The following TMEM208 variants were observed in gnomAD, a reference collection of about 807,000 sequenced individuals.
The protein encoded by TMEM208 is transmembrane protein 208, also known as SRP-independent targeting 2 homolog.
Under a neutral mutation model 26.4 loss-of-function variants are expected in TMEM208, and 19 were observed. The observed-to-expected ratio is 0.72, with a 90% CI of 0.50 to 1.06. TMEM208 has a LOEUF of 1.06. Among genes scored for constraint, TMEM208 ranks in the 50% least tolerant of loss-of-function variants. TMEM208 has a pLI of 0.00. For missense variants in TMEM208, 183 were observed against 219.8 expected, an observed-to-expected ratio of 0.83 and a Z score of 1.06; for synonymous variants, 93 against 83.1, an observed-to-expected ratio of 1.12 and a Z score of -0.65.
rs777138016 is a variant in TMEM208 at position 67,227,205 on chromosome 16, AT to A, written c.-11del. 1.5e-5 allele frequency: 24 copies of A among 1,611,876 alleles called. No individual in the cohort carries two copies. The South Asian group carries it at 2.5e-4, about 17-fold the overall frequency. On this transcript the variant is annotated 5_prime_UTR_variant, in exon 1 of 6. Coordinates refer to ENST00000304800, the MANE Select transcript of TMEM208 (RefSeq NM_014187.4). ...CTCTCCCGTGTTTCCCGGGCTGGGT[AT>A]TTGCCTCGCACCATGGCGGTAAGGA...
Position 67,228,592 on chromosome 16 carries a change from A to T in TMEM208, c.260A>T (p.Asp87Val). 6.2e-7 allele frequency: 1 copy of T among 1,600,302 alleles called. No homozygotes were observed. Among genetic ancestry groups the T allele is most frequent in the Non-Finnish European group, 8.5e-7 (1 of 1,171,908 alleles). ...AAFSEDGALM[D>V]GGMDLNMEQG... is the part of the protein sequence containing the mutation. ...TTCTCTGAGGATGGGGCCCTGATGG[A>T]TGGTGGCATGGACCTCAACATGGAG... Residue 87 changes from aspartate (D) to valine (V), a missense_variant, in exon 4 of 6, where the codon GAT (aspartate) becomes GTT (valine). Coordinates refer to ENST00000304800, the MANE Select transcript of TMEM208 (RefSeq NM_014187.4).
chr16:67,228,314 G>A lies in TMEM208; in HGVS notation c.103-41G>A, dbSNP rs773891245. On this transcript the variant is annotated intron_variant, in intron 2 of 5. Coordinates refer to ENST00000304800, the MANE Select transcript of TMEM208 (RefSeq NM_014187.4). ...AGTTGAGGGAGACCCATGGTTTGGA[G>A]GTAACTTCTGACCCCAACCTGATCC... 8.1e-6 allele frequency: 13 copies of A among 1,609,168 alleles called. No individual in the cohort carries two copies. In the East Asian group the frequency reaches 1.3e-4, roughly 17 times the overall value.
At chr16:67,228,446 T>G in intron 3 of TMEM208, 32 bp downstream of exon 3, 2 of 1,613,912 alleles carry the variant, frequency 1.2e-6, no homozygotes, top group Non-Finnish European at 8.5e-7. Context: ...GGTGGATGAG[T>G]GCGTAGGGTC....
Position 67,228,533 on chromosome 16 carries a change from C to G in TMEM208, c.201C>G (p.Ser67Arg), listed in dbSNP as rs2142252418. The change falls in exon 4 of 6, where the codon AGC (serine) becomes AGG (arginine). Residue 67 changes from serine to arginine, a missense_variant. Ser to Arg is a moderately radical substitution (Grantham distance 110). Coordinates refer to ENST00000304800, the MANE Select transcript of TMEM208 (RefSeq NM_014187.4). ...TTAGTCTGGCAGTGTATGGGGCCAG[C>G]TACCACTCTATGAGCTCGATGGCAC... The part of the protein sequence containing the change: ...LGFSLAVYGA[S>R]YHSMSSMARA... 1 of 1,612,666 alleles carries G rather than the reference C, an allele frequency of 6.2e-7. No individual in the cohort carries two copies. Among genetic ancestry groups the G allele is most frequent in the South Asian group, 1.1e-5 (1 of 91,046 alleles).
Position 67,229,134 on chromosome 16 carries a change from G to A in TMEM208, c.*21G>A. The A allele has an allele frequency of 1.3e-6, 2 of 1,572,390 alleles. No individual in the cohort carries two copies. Among genetic ancestry groups the A allele is most frequent in the Non-Finnish European group, 1.7e-6 (2 of 1,159,108 alleles). On this transcript the variant is annotated 3_prime_UTR_variant, in exon 6 of 6. Coordinates refer to ENST00000304800, the MANE Select transcript of TMEM208 (RefSeq NM_014187.4). Reference sequence around the variant, plus strand: ...TATAGCCATTGACATTGTGGCCACAGGCCACTGGCCCTGGGTGGCTCTGTC... The same window carrying A: ...TATAGCCATTGACATTGTGGCCACAAGCCACTGGCCCTGGGTGGCTCTGTC...
Position 67,229,069 on chromosome 16 carries a change from A to G in TMEM208, c.478A>G (p.Lys160Glu). 1.2e-6 allele frequency: 2 copies of G among 1,613,118 alleles called. No individual in the cohort carries two copies. Among genetic ancestry groups the G allele is most frequent in the Non-Finnish European group, 1.7e-6 (2 of 1,179,388 alleles). Residue 160 changes from lysine to glutamate, a missense_variant, in exon 6 of 6, where the codon AAA (lysine) becomes GAA (glutamate). Transcript: ENST00000304800. Reference sequence around the variant, plus strand: ...CACCCCAGCACCAGAGCACAATGAGAAACGGCAGCGCCGACAGGAGCGGCG... The same window carrying G: ...CACCCCAGCACCAGAGCACAATGAGGAACGGCAGCGCCGACAGGAGCGGCG... ...SGTPAPEHNEKRQRRQERRQM... is the reference protein window; with the variant it reads ...SGTPAPEHNEERQRRQERRQM...
chr16:67,229,200 G>A lies in TMEM208; in HGVS notation c.*87G>A. On this transcript the variant is annotated 3_prime_UTR_variant, in exon 6 of 6. Transcript: ENST00000304800. ...TCATGCCTGGAGCAATGAGGGTCTAGTCCAGGGGCCAAAAGCAGTCTGAGG... is the reference window on the plus strand; with the variant it reads ...TCATGCCTGGAGCAATGAGGGTCTAATCCAGGGGCCAAAAGCAGTCTGAGG... 7.2e-7 allele frequency: 1 copy of A among 1,397,806 alleles called. No individual in the cohort carries two copies. The highest frequency in any genetic ancestry group is 9.7e-7 in the Non-Finnish European group (1 of 1,033,652). 86.6% of individuals were successfully genotyped at this position (1,397,806 alleles called of 1,614,324 possible).
chr16:67,227,683 C>CT (rs2034073615), intron 1 of TMEM208, 153 bp from the exon 2 acceptor site: 1 of 628,642 alleles, frequency 1.6e-6, no homozygotes, highest in Non-Finnish European at 2.8e-6. Flanking sequence ...GCAGAATGGA[C>CT]TGGAGGATGG....
chr16:67,229,093 C>T lies in TMEM208; in HGVS notation c.502C>T (p.Arg168Trp), dbSNP rs765933541. 19 of 1,610,730 alleles carry T rather than the reference C, an allele frequency of 1.2e-5. No individual in the cohort carries two copies. Among genetic ancestry groups the T allele is most frequent in the Non-Finnish European group, 1.5e-5 (18 of 1,178,448 alleles). Reference sequence around the variant, plus strand: ...GAAACGGCAGCGCCGACAGGAGCGGCGGCAGATGAAGCGGTTATAGCCATT... The same window carrying T: ...GAAACGGCAGCGCCGACAGGAGCGGTGGCAGATGAAGCGGTTATAGCCATT... ...NEKRQRRQERRQMKRL is the reference protein window; with the variant it reads ...NEKRQRRQERWQMKRL Residue 168 changes from arginine to tryptophan, a missense_variant, in exon 6 of 6, where the codon CGG becomes TGG. Arg to Trp is a moderately radical substitution (Grantham distance 101). Coordinates refer to ENST00000304800, the MANE Select transcript of TMEM208 (RefSeq NM_014187.4).
In TMEM208 at chr16:67,227,898, G is replaced by A. The variant is rs527286245; in HGVS notation, c.69G>A (p.Leu23=). The part of the protein sequence containing the change: ...KQIFEENRET[L]KFYLRIILGA... Reference sequence around the variant, plus strand: ...TATTTGAAGAGAACAGAGAGACTCTGAAGTTCTACCTGCGGATCATACTGG... The same window carrying A: ...TATTTGAAGAGAACAGAGAGACTCTAAAGTTCTACCTGCGGATCATACTGG... Residue 23 remains leucine, a synonymous_variant, in exon 2 of 6, where the codon CTG becomes CTA. Coordinates refer to ENST00000304800, the MANE Select transcript of TMEM208 (RefSeq NM_014187.4). 1.2e-5 allele frequency: 19 copies of A among 1,611,552 alleles called. No homozygotes were observed. The South Asian group carries it at 1.9e-4, about 16-fold the overall frequency.
chr16:67,227,963 C>T (rs776517411), intron 2 of TMEM208, 32 bp downstream of exon 2: 1 of 1,548,956 alleles, frequency 6.5e-7, no homozygotes, highest in Non-Finnish European at 8.8e-7. Flanking sequence ...TCTATGCCCA[C>T]TTATAGTCAG....
intron 5 of TMEM208, 34 bp downstream of exon 5, chr16:67,228,915 A>T (rs1339318731): frequency 6.2e-7 from 1 of 1,612,934 alleles, no homozygotes; most frequent in African/African-American, 1.3e-5. Flanking sequence ...AAGAAGGGGC[A>T]TCTAACCCTC....
At position 67,229,126 on chromosome 16, in the gene TMEM208, TGGCCACA is replaced by T. The variant is rs1345972025; in HGVS notation, c.*20_*26del. The T allele has an allele frequency of 3.2e-6, 5 of 1,581,406 alleles. No individual in the cohort carries two copies. The highest frequency in any genetic ancestry group is 1.2e-5 in the South Asian group (1 of 86,532). On this transcript the variant is annotated 3_prime_UTR_variant, in exon 6 of 6. Transcript: ENST00000304800. ...GAAGCGGTTATAGCCATTGACATTG[TGGCCACA>T]GGCCACTGGCCCTGGGTGGCTCTGT...
chr16:67,227,776 C>T (rs2034078552), intron 1 of TMEM208, 60 bp from the exon 2 acceptor site: 1 of 1,380,664 alleles, frequency 7.2e-7, no homozygotes, highest in East Asian at 2.5e-5. Context: ...GCTCACCAGG[C>T]TGGTGGGGAG....
chr16:67,227,298 G>T, intron 1 of TMEM208, 74 bp downstream of exon 1: 1 of 1,571,368 alleles, frequency 6.4e-7, no homozygotes, highest in South Asian at 1.2e-5. Context: ...AACTGAGAAA[G>T]AACATTAAGG....
rs369389920 is a variant in TMEM208 at position 67,228,786 on chromosome 16, T to A, written c.300-11T>A. On this transcript the variant is annotated splice_polypyrimidine_tract_variant and intron_variant, in intron 4 of 5. Coordinates refer to ENST00000304800, the MANE Select transcript of TMEM208 (RefSeq NM_014187.4). The stretch of plus-strand genomic sequence containing the variant: ...CATATGCTGTCTTTCCAGCTTTATT[T>A]CTATCCACAGGCACCTTAAGGATGT... 1.7e-4 allele frequency: 280 copies of A among 1,608,596 alleles called. No individual in the cohort carries two copies. The African/African-American group carries it at 2.0e-3, about 12-fold the overall frequency.
At chr16:67,228,059 G>A (rs1023407731) in intron 2 of TMEM208, 128 bp downstream of exon 2, 3 of 755,154 alleles carry the variant, frequency 4.0e-6, no homozygotes, top group Non-Finnish European at 6.4e-6. Flanking sequence ...AGAAATGAGA[G>A]ATCTGGGCAC....
chr16:67,228,835 A>G lies in TMEM208; in HGVS notation c.338A>G (p.Gln113Arg), dbSNP rs1459057112. 2.5e-6 allele frequency: 4 copies of G among 1,613,990 alleles called. No individual in the cohort carries two copies. The highest frequency in any genetic ancestry group is 3.4e-6 in the Non-Finnish European group (4 of 1,179,868). The change falls in exon 5 of 6, where the codon CAG becomes CGG. Residue 113 changes from glutamine to arginine, a missense_variant. By Grantham distance (43) the Gln-to-Arg change is conservative. Coordinates refer to ENST00000304800, the MANE Select transcript of TMEM208 (RefSeq NM_014187.4). ...KDVILLTAIV[Q>R]VLSCFSLYVW... is the part of the protein sequence containing the mutation. ...GTGATCCTACTGACAGCCATCGTGC[A>G]GGTGCTCAGCTGCTTCTCTCTCTAT...
In TMEM208 at chr16:67,227,887, A is replaced by G. The variant is rs376269523; in HGVS notation, c.58A>G (p.Arg20Gly). 14 of 1,611,972 alleles carry G rather than the reference A, an allele frequency of 8.7e-6. No homozygotes were observed. Among genetic ancestry groups the G allele is most frequent in the Non-Finnish European group, 1.0e-5 (12 of 1,179,082 alleles). ...GAAGAAGCAGATATTTGAAGAGAACAGAGAGACTCTGAAGTTCTACCTGCG... is the reference window on the plus strand; with the variant it reads ...GAAGAAGCAGATATTTGAAGAGAACGGAGAGACTCTGAAGTTCTACCTGCG... The part of the protein sequence containing the change: ...RGKKQIFEEN[R>G]ETLKFYLRII... Residue 20 changes from arginine (R) to glycine (G), a missense_variant, in exon 2 of 6, where the codon AGA (arginine) becomes GGA (glycine). Coordinates refer to ENST00000304800, the MANE Select transcript of TMEM208 (RefSeq NM_014187.4).
Sources: allele counts gnomAD v4.1 joint callset, GRCh38; gene constraint gnomAD v4.1.1; transcripts MANE v1.5; gene names NCBI Gene and HGNC (gene_info 2026-07-23, HGNC 2026-07-21).